TTLL11: variants seen among roughly 807,000 people sequenced by gnomAD.
TTLL11 encodes tubulin tyrosine ligase like 11.
Under a neutral mutation model 51.7 loss-of-function variants are expected in TTLL11, and 42 were observed. The observed-to-expected ratio is 0.81, with a 90% CI of 0.64 to 1.05. TTLL11 has a LOEUF of 1.05. Among genes scored for constraint, TTLL11 ranks in the 50% least tolerant of loss-of-function variants. The pLI is 0.00. For synonymous variants in TTLL11, 381 were observed against 383.5 expected (o/e 0.99, Z 0.08); for missense variants, 799 against 940.4 (o/e 0.85, Z 1.97).
chr9:121,960,871 G>A lies in TTLL11; in HGVS notation c.1481+13138C>T, dbSNP rs538799262. On this transcript the variant is annotated intron_variant, in intron 6 of 8. Coordinates refer to ENST00000321582, the MANE Select transcript of TTLL11 (RefSeq NM_001139442.2). ...ACTGATGAGATGCACGCCCAGAGAG[G>A]ATGAGCCTGGGGGTGGATCCTCCTG... Among the ~76,000 whole-genome samples, 12 of 152,212 alleles carry A rather than the reference G, an allele frequency of 7.9e-5. No individual in the cohort carries two copies. The East Asian group carries it at 2.3e-3, about 29-fold the overall frequency.
intron 8 of TTLL11, among the ~76,000 whole-genome samples, chr9:121,827,554 G>T (rs939252566): frequency 6.6e-5 from 10 of 152,298 alleles, no homozygotes; most frequent in Middle Eastern, 6.8e-3. Context: ...CTGGCCATGG[G>T]CTGTCTCCAC....
At chr9:121,982,263 G>A (rs1842843720) in intron 4 of TTLL11, among the ~76,000 whole-genome samples, 1 of 152,164 alleles carries the variant, frequency 6.6e-6, no homozygotes, top group Non-Finnish European at 1.5e-5. Context: ...TGAGCTATCT[G>A]TGGTCCAAAG....
chr9:122,003,524 G>A (rs1229092204), intron 3 of TTLL11, among the ~76,000 whole-genome samples: 7 of 128,982 alleles, frequency 5.4e-5, no homozygotes, highest in East Asian at 2.2e-4. Context: ...TCGCATTGTC[G>A]CCTAGGCTAT....
chr9:122,066,372 G>T (rs1296193969), intron 1 of TTLL11, among the ~76,000 whole-genome samples: 1 of 152,092 alleles, frequency 6.6e-6, no homozygotes, highest in Non-Finnish European at 1.5e-5. Context: ...GGTGCAGGGG[G>T]TGGAGTGGGA....
intron 3 of TTLL11, among the ~76,000 whole-genome samples, chr9:122,000,313 T>C (rs1843421570): frequency 6.6e-6 from 1 of 151,504 alleles, no homozygotes; most frequent in Non-Finnish European, 1.5e-5. Flanking sequence ...CTACTAAAAA[T>C]ACAAAAATAT....
At chr9:121,973,465 G>A (rs1223081744) in intron 6 of TTLL11, among the ~76,000 whole-genome samples, 3 of 152,148 alleles carry the variant, frequency 2.0e-5, no homozygotes, top group Non-Finnish European at 4.4e-5. Flanking sequence ...CAAGTGGGAG[G>A]CCTGGCCTTG....
chr9:121,929,945 AAT>A (rs1396784663), intron 6 of TTLL11, among the ~76,000 whole-genome samples: 2 of 152,242 alleles, frequency 1.3e-5, no homozygotes, highest in Non-Finnish European at 2.9e-5. Flanking sequence ...TAAGAAGACA[AAT>A]ATGTGTAAGC....
chr9:121,840,917 G>T (rs889330970), intron 8 of TTLL11, among the ~76,000 whole-genome samples: 4 of 152,244 alleles, frequency 2.6e-5, no homozygotes, highest in Non-Finnish European at 5.9e-5. Flanking sequence ...GCACTGGCAC[G>T]AGGCACTTGG....
intron 6 of TTLL11, among the ~76,000 whole-genome samples, chr9:121,913,773 C>T (rs146109672): frequency 1.9e-4 from 29 of 152,188 alleles, no homozygotes; most frequent in African/African-American, 6.3e-4. Flanking sequence ...ATCAAATCAA[C>T]ATCTCATGCA....
chr9:121,934,622 A>G (rs1841125652), intron 6 of TTLL11, among the ~76,000 whole-genome samples: 1 of 152,184 alleles, frequency 6.6e-6, no homozygotes. Context: ...TGAACAACTT[A>G]TAGTTTGTCT....
At chr9:121,895,595 G>T (rs903847040) in intron 6 of TTLL11, among the ~76,000 whole-genome samples, 3 of 149,166 alleles carry the variant, frequency 2.0e-5, no homozygotes, top group Admixed American at 6.7e-5. Context: ...GACTGTGTGT[G>T]GTTGTGTATG....
chr9:121,939,537 G>A (rs1007260158), intron 6 of TTLL11, among the ~76,000 whole-genome samples: 2 of 152,104 alleles, frequency 1.3e-5, no homozygotes, highest in African/African-American at 2.4e-5. Context: ...GGTAGGGGGA[G>A]AAGGATGTCA....
At position 121,895,329 on chromosome 9, in the gene TTLL11, G is replaced by C. The variant is rs141664474; in HGVS notation, c.1482-24581C>G. Among the ~76,000 whole-genome samples, 278 of 149,446 alleles carry C rather than the reference G, an allele frequency of 1.9e-3. 4 individuals carry two copies. The East Asian group carries it at 0.043, about 23-fold the overall frequency. On this transcript the variant is annotated intron_variant, in intron 6 of 8. Transcript: ENST00000321582. Reference sequence around the variant, plus strand: ...GTTTGTGTATGTGAGTGTGTGCACAGAGTTGTGTTTGTGTGGCTGTGTGCG... The same window carrying C: ...GTTTGTGTATGTGAGTGTGTGCACACAGTTGTGTTTGTGTGGCTGTGTGCG...
At chr9:121,908,780 G>T (rs1375634638) in intron 6 of TTLL11, among the ~76,000 whole-genome samples, 2 of 152,064 alleles carry the variant, frequency 1.3e-5, no homozygotes, top group Admixed American at 6.6e-5. Flanking sequence ...TCTTCACATT[G>T]TCTTCTCTCT....
At chr9:121,917,785 A>C (rs1840394068) in intron 6 of TTLL11, among the ~76,000 whole-genome samples, 1 of 152,180 alleles carries the variant, frequency 6.6e-6, no homozygotes, top group Non-Finnish European at 1.5e-5. Flanking sequence ...TAAATCTTAC[A>C]TTTAAATTCT....
chr9:122,017,472 C>CT (rs146107264), intron 3 of TTLL11, among the ~76,000 whole-genome samples: 11,865 of 127,752 alleles, frequency 0.093, 1,178 homozygotes, highest in African/African-American at 0.24. Flanking sequence ...CAGGGTGAGG[C>CT]TTTTTTTTTT....
At chr9:122,079,644 G>A (rs969281450) in intron 1 of TTLL11, among the ~76,000 whole-genome samples, 2 of 152,002 alleles carry the variant, frequency 1.3e-5, no homozygotes, top group African/African-American at 4.8e-5. Flanking sequence ...AGGAGGTGGA[G>A]GTTGCTGTGA....
intron 6 of TTLL11, among the ~76,000 whole-genome samples, chr9:121,874,660 C>A (rs1490530344): frequency 6.6e-6 from 1 of 152,114 alleles, no homozygotes; most frequent in Non-Finnish European, 1.5e-5. Flanking sequence ...TAACCATTCC[C>A]CCTCAGTTAG....
intron 6 of TTLL11, among the ~76,000 whole-genome samples, chr9:121,942,748 T>A (rs897608156): frequency 2.6e-4 from 38 of 147,818 alleles, no homozygotes; most frequent in African/African-American, 9.0e-4. Context: ...ATTTTTTTTT[T>A]TTTTTTTTTT....
Sources: allele counts gnomAD v4.1 joint callset (sites outside exome capture counted in the v4.1 genomes callset), GRCh38; gene constraint gnomAD v4.1.1; transcripts MANE v1.5; gene names NCBI Gene and HGNC (gene_info 2026-07-23, HGNC 2026-07-21).